Variants in ALK observed in about 807,000 individuals in gnomAD.
ALK encodes the protein ALK tyrosine kinase receptor.
ALK carries 74 observed loss-of-function variants against 163.1 expected under a neutral mutation model. That is an observed-to-expected ratio of 0.45 (90% CI 0.38 to 0.55). ALK has a LOEUF of 0.55. ALK is among the 20% of genes least tolerant of loss of function. The pLI is 0.00. For synonymous variants in ALK, 960 were observed against 843.2 expected (o/e 1.14, Z -2.40); for missense variants, 2,063 against 2,105.3 (o/e 0.98, Z 0.39).
chr2:29,919,982 G>A lies in ALK; in HGVS notation c.667+11C>T. ...ACTAAATCCCGGCACACTCAGGCGG[G>A]AGCTGCTCACCAGTCCCGAAGATCT... On this transcript the variant is annotated intron_variant, in intron 1 of 28. Coordinates refer to ENST00000389048, the MANE Select transcript of ALK (RefSeq NM_004304.5). 2 of 1,612,576 alleles carry A rather than the reference G, an allele frequency of 1.2e-6. No homozygotes were observed. Among genetic ancestry groups the A allele is most frequent in the East Asian group, 2.2e-5 (1 of 44,830 alleles).
At chr2:29,579,363 T>C (rs1674613810) in intron 3 of ALK, among the ~76,000 whole-genome samples, 1 of 152,156 alleles carries the variant, frequency 6.6e-6, no homozygotes, top group South Asian at 2.1e-4. Context: ...CCATGAAAAA[T>C]AGTATCCGCT....
chr2:29,572,853 T>C (rs747094516), intron 3 of ALK, among the ~76,000 whole-genome samples: 10 of 152,166 alleles, frequency 6.6e-5, no homozygotes, highest in Non-Finnish European at 1.3e-4. Context: ...CTCCCCACTA[T>C]GTCCAGTGCA....
intron 3 of ALK, among the ~76,000 whole-genome samples, chr2:29,563,595 A>T (rs1454226443): frequency 6.6e-6 from 1 of 152,176 alleles, no homozygotes; most frequent in Non-Finnish European, 1.5e-5. Flanking sequence ...ACAAACCAAG[A>T]GGCTCTTTCT....
At chr2:29,516,414 G>T (rs756415890) in intron 4 of ALK, among the ~76,000 whole-genome samples, 2 of 152,212 alleles carry the variant, frequency 1.3e-5, no homozygotes, top group Admixed American at 6.5e-5. Flanking sequence ...GGTCCTAGTG[G>T]TAGCTGAACG....
At chr2:29,271,100 G>A (rs931991616) in intron 11 of ALK, among the ~76,000 whole-genome samples, 60 of 152,280 alleles carry the variant, frequency 3.9e-4, no homozygotes, top group African/African-American at 1.4e-3. Flanking sequence ...AGGCTTGGCC[G>A]GACCTGCCGG....
chr2:29,639,210 C>T (rs1042997904), intron 3 of ALK, among the ~76,000 whole-genome samples: 6 of 152,094 alleles, frequency 3.9e-5, no homozygotes, highest in African/African-American at 9.7e-5. Context: ...GCATGGAGGT[C>T]GGCATCACTC....
At chr2:29,802,068 G>GATGAC (rs1664480307) in intron 1 of ALK, among the ~76,000 whole-genome samples, 1 of 152,026 alleles carries the variant, frequency 6.6e-6, no homozygotes, top group Non-Finnish European at 1.5e-5. Context: ...CTGTTTAAAT[G>GATGAC]TTGACTTGGT....
intron 5 of ALK, among the ~76,000 whole-genome samples, chr2:29,352,871 T>A (rs1392362524): frequency 6.6e-6 from 1 of 152,218 alleles, no homozygotes; most frequent in Non-Finnish European, 1.5e-5. Flanking sequence ...CTGACCTGAT[T>A]CCATTTTGCT....
At chr2:29,700,937 C>T (rs1237282740) in intron 2 of ALK, among the ~76,000 whole-genome samples, 3 of 152,212 alleles carry the variant, frequency 2.0e-5, no homozygotes, top group Non-Finnish European at 2.9e-5. Context: ...ATGTGTGAGA[C>T]TCCCAAAGCA....
intron 3 of ALK, among the ~76,000 whole-genome samples, chr2:29,537,561 T>C (rs6547940): frequency 1 from 152,168 of 152,400 alleles, 75,969 homozygotes; most frequent in Middle Eastern, 1. Flanking sequence ...GGCAGAGCCC[T>C]GGCAAAGAAA....
intron 4 of ALK, among the ~76,000 whole-genome samples, chr2:29,431,920 A>ATCCTG (rs1008382573): frequency 1.3e-5 from 2 of 151,960 alleles, no homozygotes; most frequent in African/African-American, 4.8e-5. Context: ...AGGAGAGAAT[A>ATCCTG]TCCTGTCCCG....
At chr2:29,305,780 G>C (rs776062915) in intron 8 of ALK, among the ~76,000 whole-genome samples, 23 of 152,092 alleles carry the variant, frequency 1.5e-4, no homozygotes, top group Non-Finnish European at 3.2e-4. Context: ...AGGGGCTGGG[G>C]GTTGGGGGGT....
chr2:29,581,601 G>A (rs1185413216), intron 3 of ALK, among the ~76,000 whole-genome samples: 1 of 152,106 alleles, frequency 6.6e-6, no homozygotes, highest in Admixed American at 6.5e-5. Flanking sequence ...GGAAGGTGAA[G>A]TGTGGCCTGG....
At chr2:29,288,223 G>A (rs1240832585) in intron 9 of ALK, among the ~76,000 whole-genome samples, 2 of 152,188 alleles carry the variant, frequency 1.3e-5, no homozygotes, top group South Asian at 2.1e-4. Flanking sequence ...CCCAGGGCTC[G>A]GGATGCAGAT....
At chr2:29,373,493 C>T (rs12993319) in intron 5 of ALK, among the ~76,000 whole-genome samples, 24,204 of 152,058 alleles carry the variant, frequency 0.16, 2,257 homozygotes, top group Middle Eastern at 0.28. Context: ...GTACAATGAC[C>T]TCGGCACACT....
intron 5 of ALK, among the ~76,000 whole-genome samples, chr2:29,354,526 G>A (rs1322558362): frequency 6.6e-6 from 1 of 152,062 alleles, no homozygotes. Flanking sequence ...CACCCAATGG[G>A]AGCCATGGCA....
intron 5 of ALK, among the ~76,000 whole-genome samples, chr2:29,343,461 T>C (rs968551791): frequency 1.3e-5 from 2 of 151,840 alleles, no homozygotes; most frequent in Admixed American, 6.6e-5. Flanking sequence ...GCAATCCTCC[T>C]GCTTTAGCCT....
At chr2:29,889,723 G>C (rs1302902857) in intron 1 of ALK, among the ~76,000 whole-genome samples, 2 of 142,128 alleles carry the variant, frequency 1.4e-5, no homozygotes, top group Middle Eastern at 3.5e-3. Flanking sequence ...GAGAGAGAGA[G>C]AGAGAGAGAG....
chr2:29,409,142 C>A (rs919682864), intron 4 of ALK, among the ~76,000 whole-genome samples: 18 of 152,252 alleles, frequency 1.2e-4, no homozygotes, highest in African/African-American at 4.3e-4. Flanking sequence ...AACGTGCAAC[C>A]CAAGGAGTGA....
Sources: allele counts gnomAD v4.1 joint callset (sites outside exome capture counted in the v4.1 genomes callset), GRCh38; gene constraint gnomAD v4.1.1; transcripts MANE v1.5; gene names NCBI Gene and HGNC (gene_info 2026-07-23, HGNC 2026-07-21).